Variants in MROH2B observed in about 807,000 individuals in gnomAD.
MROH2B encodes maestro heat-like repeat-containing protein family member 2B.
MROH2B carries 177 observed loss-of-function variants against 208.6 expected under a neutral mutation model. The observed-to-expected ratio is 0.85, with a 90% CI of 0.75 to 0.96. The LOEUF (loss-of-function observed/expected upper bound fraction) is 0.96. Among genes scored for constraint, MROH2B ranks in the 40% least tolerant of loss-of-function variants. MROH2B has a pLI of 0.00. For missense variants in MROH2B, 2,002 were observed against 1,878.7 expected (o/e 1.07, Z -1.21); for synonymous variants, 728 against 659.0 (o/e 1.10, Z -1.60).
intron 41 of MROH2B, 98 bp downstream of exon 41, chr5:40,998,514 T>A (rs1741281040): frequency 2.0e-6 from 2 of 1,009,616 alleles, no homozygotes; most frequent in African/African-American, 3.3e-5. Flanking sequence ...GTACTAAGAT[T>A]TTCAAGTTCT....
At chr5:41,003,026 T>C (rs1436177491) in intron 37 of MROH2B, among the ~76,000 whole-genome samples, 6 of 151,292 alleles carry the variant, frequency 4.0e-5, no homozygotes, top group Middle Eastern at 3.2e-3. Flanking sequence ...AGTGGCATGA[T>C]CTCGGCTCAC....
intron 5 of MROH2B, among the ~76,000 whole-genome samples, chr5:41,063,221 A>G (rs1269403706): frequency 6.6e-6 from 1 of 152,186 alleles, no homozygotes; most frequent in Admixed American, 6.5e-5. Flanking sequence ...AGAGGCTCCA[A>G]AGTTTATTTG....
chr5:41,038,773 A>G lies in MROH2B; in HGVS notation c.2177T>C (p.Ile726Thr), dbSNP rs767782797. ...GCCATGAAGAGACAGGACTTGGGAT[A>G]TGATATCTTGATTAAGTCTGGAGAG... Reference protein sequence around the residue: ...QLLSRLNQDIISQVLSLHGQC... With the variant: ...QLLSRLNQDITSQVLSLHGQC... The change falls in exon 21 of 42, where the codon ATA becomes ACA. Residue 726 changes from isoleucine to threonine, a missense_variant. Coordinates refer to ENST00000399564, the MANE Select transcript of MROH2B (RefSeq NM_173489.5). 3 of 1,613,476 alleles carry G rather than the reference A, an allele frequency of 1.9e-6. No homozygotes were observed. Among genetic ancestry groups the G allele is most frequent in the South Asian group, 1.1e-5 (1 of 91,036 alleles).
At chr5:41,052,444 A>T in intron 12 of MROH2B, 21 bp downstream of exon 12, 1 of 1,597,880 alleles carries the variant, frequency 6.3e-7, no homozygotes, top group Non-Finnish European at 8.5e-7. Flanking sequence ...TGCATCACTC[A>T]AAACTGTAGC....
rs376622338 is a variant in MROH2B, at chr5:41,065,471, A to C, written c.221T>G (p.Met74Arg). 1.3e-5 allele frequency: 21 copies of C among 1,612,928 alleles called. No homozygotes were observed. The Admixed American group carries it at 1.8e-4, about 14-fold the overall frequency. Residue 74 changes from methionine (M) to arginine (R), a missense_variant, in exon 4 of 42, where the codon ATG (methionine) becomes AGG (arginine). Met to Arg is a moderately conservative substitution (Grantham distance 91). Coordinates refer to ENST00000399564, the MANE Select transcript of MROH2B (RefSeq NM_173489.5). The part of the protein sequence containing the change: ...RDNNMLREIR[M>R]LAGEVLVSLA... ...AGACACCAAAACCTCACCAGCTAGC[A>C]TTCTGATTTCTCTGAGCATCTGAGG...
intron 7 of MROH2B, among the ~76,000 whole-genome samples, chr5:41,057,574 T>TTTTTTTTTTTTTTTTTTTTTTTTTTG (rs1561304757): frequency 7.0e-6 from 1 of 142,728 alleles, no homozygotes; most frequent in Non-Finnish European, 1.5e-5. Flanking sequence ...TTTTTTTTTT[T>TTTTTTTTTTTTTTTTTTTTTTTTTTG]GAGACGGAGT....
rs1365930396 is a variant in MROH2B, at chr5:41,005,342, G to T, written c.3864+189C>A. 1.4e-5 allele frequency: 8 copies of T among 564,686 alleles called. No homozygotes were observed. The Admixed American group carries it at 1.8e-4, about 13-fold the overall frequency. 35.0% of individuals were successfully genotyped at this position (564,686 alleles called of 1,614,324 possible). A position where few individuals can be genotyped will look rare whatever the true frequency, so the allele number is the denominator to read the frequency against. ...CTAGAGGGCAGGAGGTGGGTGAGGTGGTTTATTTTCCTCTCTCACCCCCTG... is the reference window on the plus strand; with the variant it reads ...CTAGAGGGCAGGAGGTGGGTGAGGTTGTTTATTTTCCTCTCTCACCCCCTG... On this transcript the variant is annotated intron_variant, in intron 35 of 41. Transcript: ENST00000399564.
intron 24 of MROH2B, among the ~76,000 whole-genome samples, chr5:41,025,481 C>T (rs1487357780): frequency 6.6e-6 from 1 of 152,100 alleles, no homozygotes; most frequent in Non-Finnish European, 1.5e-5. Context: ...CAAGACAAAA[C>T]CAGGAAGAAG....
chr5:41,054,937 G>A, intron 10 of MROH2B, 97 bp from the exon 11 acceptor site: 1 of 784,648 alleles, frequency 1.3e-6, no homozygotes, highest in East Asian at 2.9e-5. Flanking sequence ...GCACATAATT[G>A]TGAAATCTCT....
In MROH2B at chr5:40,998,130, A is replaced by T. The variant is rs1337083576; in HGVS notation, c.4680T>A (p.Cys1560Ter). The change falls in exon 42 of 42, where the codon TGT (cysteine) becomes TGA (stop). Residue 1560 changes from cysteine (C) to a stop codon, truncating the protein, a stop_gained. Transcript: ENST00000399564. LOFTEE classifies it high-confidence loss of function. Reference protein sequence around the residue: ...TRLQALRQDPCISVQRAAEAA... With the variant: ...TRLQALRQDP ...CCTCAGCTGCTCTCTGGACACTAAT[A>T]CACGGATCTTGACGAAGTGCTTGGA... is the stretch of plus-strand genomic sequence containing the variant. 1 of 1,612,536 alleles carries T rather than the reference A, an allele frequency of 6.2e-7. No individual in the cohort carries two copies. The highest frequency in any genetic ancestry group is 1.3e-5 in the African/African-American group (1 of 74,890).
rs559942483 is a variant in MROH2B at position 41,067,308 on chromosome 5, G to A, written c.91-90C>T. The A allele has an allele frequency of 1.3e-5, 9 of 692,140 alleles. No homozygotes were observed. In the East Asian group the frequency reaches 2.5e-4, roughly 19 times the overall value. 42.9% of individuals were successfully genotyped at this position (692,140 alleles called of 1,614,324 possible). On this transcript the variant is annotated intron_variant, in intron 2 of 41. Transcript: ENST00000399564. ...CTAATGAATAACACCATTAAAGTAAGCAATATATCTTTACTACACAATGGA... is the reference window on the plus strand; with the variant it reads ...CTAATGAATAACACCATTAAAGTAAACAATATATCTTTACTACACAATGGA...
chr5:41,048,543 G>T, intron 15 of MROH2B, 78 bp from the exon 16 acceptor site: 4 of 1,417,988 alleles, frequency 2.8e-6, no homozygotes, highest in Non-Finnish European at 3.7e-6. Context: ...TTTTACCATT[G>T]TTCCAATTCC....
At chr5:41,037,114 C>T (rs546999811) in intron 21 of MROH2B, among the ~76,000 whole-genome samples, 1 of 152,252 alleles carries the variant, frequency 6.6e-6, no homozygotes, top group Admixed American at 6.5e-5. Flanking sequence ...GTATGTACCA[C>T]CCCACCTGGG....
At chr5:41,058,233 T>G (rs773487789) in intron 6 of MROH2B, 30 bp from the exon 7 acceptor site, 12 of 1,460,414 alleles carry the variant, frequency 8.2e-6, no homozygotes, top group Non-Finnish European at 1.0e-5. Flanking sequence ...ATACCGTTTC[T>G]GAAACTTCCT....
At chr5:41,024,714 C>T (rs1265487130) in intron 24 of MROH2B, among the ~76,000 whole-genome samples, 4 of 152,184 alleles carry the variant, frequency 2.6e-5, no homozygotes, top group Non-Finnish European at 5.9e-5. Flanking sequence ...CTCTCCACCC[C>T]AAATCAACAG....
At chr5:41,020,244 T>G (rs1461965005) in intron 24 of MROH2B, among the ~76,000 whole-genome samples, 1 of 152,100 alleles carries the variant, frequency 6.6e-6, no homozygotes, top group Non-Finnish European at 1.5e-5. Flanking sequence ...TAAAATTAAT[T>G]TAATTGTTTC....
intron 24 of MROH2B, among the ~76,000 whole-genome samples, chr5:41,020,434 T>C (rs979229362): frequency 1.3e-5 from 2 of 152,170 alleles, no homozygotes; most frequent in Non-Finnish European, 2.9e-5. Context: ...ACCTGTGCTT[T>C]CTCTTATCCT....
rs1427277895 is a variant in MROH2B at position 41,015,489 on chromosome 5, C to A, written c.2885-11G>T. ...CTTCCAAGTGAATGCCTAAAATCAA[C>A]AAAGTGAGAAATGTTTAAGTGTTCA... On this transcript the variant is annotated splice_polypyrimidine_tract_variant and intron_variant, in intron 28 of 41. Coordinates refer to ENST00000399564, the MANE Select transcript of MROH2B (RefSeq NM_173489.5). 3 of 1,612,388 alleles carry A rather than the reference C, an allele frequency of 1.9e-6. No homozygotes were observed. The highest frequency in any genetic ancestry group is 2.5e-6 in the Non-Finnish European group (3 of 1,179,072).
chr5:41,006,998 T>A (rs549471175), intron 34 of MROH2B, among the ~76,000 whole-genome samples: 13 of 152,130 alleles, frequency 8.5e-5, no homozygotes, highest in African/African-American at 2.2e-4. Flanking sequence ...AAAAATAAAA[T>A]TTTTTTTAAA....
Sources: gnomAD v4.1 joint callset for allele counts (sites outside exome capture counted in the v4.1 genomes callset) on GRCh38, gnomAD v4.1.1 for gene constraint, MANE v1.5 for transcripts, NCBI Gene and HGNC (gene_info 2026-07-23, HGNC 2026-07-21) for gene names.